ATP6V0A1: variants seen among roughly 807,000 people sequenced by gnomAD.
ATP6V0A1 encodes ATPase H+ transporting V0 subunit a1.
A neutral mutation model predicts 105.4 loss-of-function variants in ATP6V0A1; 43 were observed. That is an observed-to-expected ratio of 0.41 (90% CI 0.32 to 0.53). ATP6V0A1 has a LOEUF of 0.53. Ranked by LOEUF, ATP6V0A1 falls within the 20% of genes least tolerant of loss-of-function variation. The pLI, the probability that ATP6V0A1 is intolerant of heterozygous loss-of-function variation, is 0.30. For missense variants in ATP6V0A1, 676 were observed against 1,051.1 expected (o/e 0.64, Z 4.93); for synonymous variants, 362 against 372.8 (o/e 0.97, Z 0.33).
At chr17:42,459,147 C>G (rs2086090879) in intron 1 of ATP6V0A1, 184 bp downstream of exon 1, 1 of 152,230 alleles carries the variant, frequency 6.6e-6, no homozygotes, top group African/African-American at 2.4e-5. Context: ...GGCTCACTGC[C>G]CTTTGGAAGC....
intron 9 of ATP6V0A1, among the ~76,000 whole-genome samples, chr17:42,483,411 ATT>A (rs760755835): frequency 1.4e-5 from 2 of 144,670 alleles, no homozygotes. Context: ...TGGGTCTGAG[ATT>A]TTTTTTTTTT....
chr17:42,481,439 C>G (rs2089492288), intron 8 of ATP6V0A1: 1 of 151,886 alleles, frequency 6.6e-6, no homozygotes, highest in Non-Finnish European at 1.5e-5. Flanking sequence ...CCAGGCTGGT[C>G]TTGAACTCCT....
In ATP6V0A1 at chr17:42,494,455, C is replaced by CT. The variant is rs2090967462; in HGVS notation, c.1296_1297insT (p.Gln433SerfsTer4). 6.2e-7 allele frequency: 1 copy of CT among 1,612,432 alleles called. No individual in the cohort carries two copies. Among genetic ancestry groups the CT allele is most frequent in the African/African-American group, 1.3e-5 (1 of 74,788 alleles). On this transcript the variant is annotated frameshift_variant, in exon 12 of 22. Coordinates refer to ENST00000343619, the MANE Select transcript of ATP6V0A1 (RefSeq NM_001130021.3). LOFTEE classifies it high-confidence loss of function. ...TACTGAGGGAGAGCCGGATCCTTTC[C>CT]CAGAAGAATGAGAATGAGGTAATGT...
chr17:42,495,170 T>C lies in ATP6V0A1; in HGVS notation c.1451T>C (p.Met484Thr), dbSNP rs762479953. Residue 484 changes from methionine to threonine, a missense_variant, in exon 13 of 22, where the codon ATG becomes ACG. Met to Thr is a moderately conservative substitution (Grantham distance 81). Transcript: ENST00000343619. Reference sequence around the variant, plus strand: ...GGGTCATCCTGGAGTGTACGGCCGATGTTTACTTATAATTGGACGTAAGTT... The same window carrying C: ...GGGTCATCCTGGAGTGTACGGCCGACGTTTACTTATAATTGGACGTAAGTT... ...IFGSSWSVRP[M>T]FTYNWTEETL... The C allele has an allele frequency of 1.2e-6, 2 of 1,613,946 alleles. No homozygotes were observed. The highest frequency in any genetic ancestry group is 1.7e-6 in the Non-Finnish European group (2 of 1,179,984).
chr17:42,480,849 C>A, intron 8 of ATP6V0A1, 100 bp downstream of exon 8: 2 of 1,003,878 alleles, frequency 2.0e-6, no homozygotes, highest in Non-Finnish European at 2.9e-6. Context: ...TTTAGTCTAC[C>A]TCAACACAGT....
At chr17:42,470,026 C>G (rs1376043705) in intron 4 of ATP6V0A1, 64 bp from the exon 5 acceptor site, 1 of 1,444,316 alleles carries the variant, frequency 6.9e-7, no homozygotes, top group African/African-American at 1.4e-5. Flanking sequence ...GGGATGAATT[C>G]ATTTAATGTC....
chr17:42,495,036 G>C lies in ATP6V0A1; in HGVS notation c.1317G>C (p.Met439Ile). The C allele has an allele frequency of 6.2e-7, 1 of 1,613,502 alleles. No individual in the cohort carries two copies. The highest frequency in any genetic ancestry group is 8.5e-7 in the Non-Finnish European group (1 of 1,179,492). Reference sequence around the variant, plus strand: ...TACTTCTTTCTTCTGGTTCCCAGATGTTTAGCACTGTGTTCAGTGGTCGAT... The same window carrying C: ...TACTTCTTTCTTCTGGTTCCCAGATCTTTAGCACTGTGTTCAGTGGTCGAT... ...RILSQKNENEMFSTVFSGRYI... is the reference protein window; with the variant it reads ...RILSQKNENEIFSTVFSGRYI... The change falls in exon 13 of 22, where the codon ATG becomes ATC. Residue 439 changes from methionine to isoleucine, a missense_variant and splice_region_variant. By Grantham distance (10) the Met-to-Ile change is conservative. Coordinates refer to ENST00000343619, the MANE Select transcript of ATP6V0A1 (RefSeq NM_001130021.3).
At chr17:42,491,566 C>G (rs1244805952) in intron 11 of ATP6V0A1, among the ~76,000 whole-genome samples, 1 of 152,220 alleles carries the variant, frequency 6.6e-6, no homozygotes, top group Non-Finnish European at 1.5e-5. Flanking sequence ...TCACCACATC[C>G]TCTGCCTCCC....
Position 42,521,396 on chromosome 17 carries a change from G to C in ATP6V0A1, c.*276G>C, listed in dbSNP as rs2092829561. 3.6e-6 allele frequency: 1 copy of C among 274,864 alleles called. No individual in the cohort carries two copies. Among genetic ancestry groups the C allele is most frequent in the Admixed American group, 5.3e-5 (1 of 18,816 alleles). The allele number at this position is 274,864 out of a possible 1,614,324, so 17.0% of individuals were successfully genotyped here. ...TCCAGACAGCCCTTCCCACCTCCTG[G>C]TGGTGAGCCAGTCTGCATTCCCACG... On this transcript the variant is annotated 3_prime_UTR_variant, in exon 22 of 22. Transcript: ENST00000343619. This position sits in a 1 kb window ranked among gnomAD's most constrained non-coding sequence, Gnocchi z 4.8.
At chr17:42,471,842 G>A (rs1291497545) in intron 5 of ATP6V0A1, among the ~76,000 whole-genome samples, 2 of 152,102 alleles carry the variant, frequency 1.3e-5, no homozygotes, top group East Asian at 3.8e-4. Flanking sequence ...CTCAGTCTGG[G>A]GAGGAGTCTT....
At position 42,483,337 on chromosome 17, in the gene ATP6V0A1, G is replaced by A. The variant is rs1229616160; in HGVS notation, c.810+206G>A. 2.0e-5 allele frequency among the ~76,000 whole-genome samples: 3 copies of A among 152,080 alleles called. No individual in the cohort carries two copies. In the East Asian group the frequency reaches 5.8e-4, roughly 29 times the overall value. Reference sequence around the variant, plus strand: ...AAAATAGCATTAGCCATCCTCAAACGAGACAGGAATGTAAAGCATCTAGAA... The same window carrying A: ...AAAATAGCATTAGCCATCCTCAAACAAGACAGGAATGTAAAGCATCTAGAA... On this transcript the variant is annotated intron_variant, in intron 9 of 21. Coordinates refer to ENST00000343619, the MANE Select transcript of ATP6V0A1 (RefSeq NM_001130021.3).
At chr17:42,464,584 C>T (rs935877734) in intron 2 of ATP6V0A1, among the ~76,000 whole-genome samples, 2 of 151,748 alleles carry the variant, frequency 1.3e-5, no homozygotes, top group African/African-American at 2.4e-5. Flanking sequence ...TTTGTATTTT[C>T]AGTAGAGACG....
chr17:42,495,834 GCCTGTAAT>G, intron 14 of ATP6V0A1, 118 bp downstream of exon 14: 1 of 890,208 alleles, frequency 1.1e-6, no homozygotes, highest in Non-Finnish European at 1.8e-6. Flanking sequence ...GGTCGCTCAT[GCCTGTAAT>G]CCCAGCACTT....
At chr17:42,505,406 A>T (rs1342655005) in intron 17 of ATP6V0A1, among the ~76,000 whole-genome samples, 2 of 151,322 alleles carry the variant, frequency 1.3e-5, no homozygotes, top group African/African-American at 4.9e-5. Context: ...GGGTCTCACC[A>T]TGTTGGCCAG....
intron 14 of ATP6V0A1, among the ~76,000 whole-genome samples, chr17:42,497,676 GAA>G (rs548693526): frequency 3.8e-5 from 4 of 104,908 alleles, no homozygotes; most frequent in Admixed American, 9.5e-5. Flanking sequence ...CCATCTAAAA[GAA>G]AAAAAAAAAA....
rs373907364 is a variant in ATP6V0A1 at position 42,513,856 on chromosome 17, G to A, written c.2131-5G>A. 62 of 1,612,516 alleles carry A rather than the reference G, an allele frequency of 3.8e-5. No individual in the cohort carries two copies. Among genetic ancestry groups the A allele is most frequent in the Middle Eastern group, 3.3e-4 (2 of 6,080 alleles). On this transcript the variant is annotated splice_region_variant and splice_polypyrimidine_tract_variant and intron_variant, in intron 19 of 21. Transcript: ENST00000343619. ...TATCTTCTCTCTGGTTTCCTCCCACGACAGTTTGACTTTGGGGACACCATG... is the reference window on the plus strand; with the variant it reads ...TATCTTCTCTCTGGTTTCCTCCCACAACAGTTTGACTTTGGGGACACCATG...
chr17:42,475,702 G>A lies in ATP6V0A1; in HGVS notation c.424-1958G>A, dbSNP rs144496237. On this transcript the variant is annotated intron_variant, in intron 5 of 21. Coordinates refer to ENST00000343619, the MANE Select transcript of ATP6V0A1 (RefSeq NM_001130021.3). ...TTTAAAGGCCTTCAGTTAGTGAGTG[G>A]TTCTAGTCATCCTAGTTTCTCACCA... Among the ~76,000 whole-genome samples, 790 of 152,240 alleles carry A rather than the reference G, an allele frequency of 5.2e-3. 9 individuals are homozygous for A. Among genetic ancestry groups the A allele is most frequent in the African/African-American group, 0.017 (711 of 41,534 alleles).
chr17:42,480,427 C>CA (rs1162291720), intron 7 of ATP6V0A1: 4 of 383,032 alleles, frequency 1.0e-5, no homozygotes, highest in African/African-American at 8.3e-5. Flanking sequence ...ATCTTAGCTT[C>CA]AAGCTCCTGG....
At chr17:42,497,621 C>T (rs2091300553) in intron 14 of ATP6V0A1, among the ~76,000 whole-genome samples, 2 of 150,420 alleles carry the variant, frequency 1.3e-5, no homozygotes, top group Admixed American at 6.6e-5. Flanking sequence ...TGTAGCGAGC[C>T]GAGATCATGC....
Sources: allele counts gnomAD v4.1 joint callset (sites outside exome capture counted in the v4.1 genomes callset), GRCh38; gene constraint gnomAD v4.1.1; non-coding constraint Gnocchi (gnomAD v3.1); transcripts MANE v1.5; gene names NCBI Gene and HGNC (gene_info 2026-07-23, HGNC 2026-07-21).